The following PCDHA7 variants were observed in gnomAD, a reference collection of about 807,000 sequenced individuals.
The protein encoded by PCDHA7 is protocadherin alpha-7.
PCDHA7 carries 37 observed loss-of-function variants against 57.2 expected under a neutral mutation model. That is an observed-to-expected ratio of 0.65 (90% confidence interval 0.50 to 0.85). The LOEUF is 0.85. PCDHA7 is among the 40% of genes least tolerant of loss of function. The pLI, the probability that PCDHA7 is intolerant of heterozygous loss-of-function variation, is 0.00. For synonymous variants in PCDHA7, 553 were observed against 558.8 expected, an observed-to-expected ratio of 0.99 and a Z score of 0.15; for missense variants, 1,188 against 1,241.8, an observed-to-expected ratio of 0.96 and a Z score of 0.65.
chr5:140,893,048 T>C (rs1462017776), intron 1 of PCDHA7, among the ~76,000 whole-genome samples: 1 of 152,250 alleles, frequency 6.6e-6, no homozygotes, highest in Non-Finnish European at 1.5e-5. Flanking sequence ...CCCTCCAGGC[T>C]CAGCCATACT....
At chr5:140,991,782 C>A (rs1257930918) in intron 3 of PCDHA7, among the ~76,000 whole-genome samples, 1 of 152,158 alleles carries the variant, frequency 6.6e-6, no homozygotes, top group Non-Finnish European at 1.5e-5. Flanking sequence ...AGACTCTGCC[C>A]ATTTCCCAAT....
At position 140,892,846 on chromosome 5, in the gene PCDHA7, A is replaced by G. The variant is rs1301960107; in HGVS notation, c.2355+56108A>G. Among the ~76,000 whole-genome samples, 3 of 152,112 alleles carry G rather than the reference A, an allele frequency of 2.0e-5. No homozygotes were observed. In the East Asian group the frequency reaches 5.8e-4, roughly 29 times the overall value. On this transcript the variant is annotated intron_variant, in intron 1 of 3. Transcript: ENST00000525929. ...TGCTACAGTGCTGCAAAACACCACA[A>G]CCCATTCCTCCTGTGTAGCTATAAT...
chr5:140,936,270 T>C (rs1367001317), intron 1 of PCDHA7, among the ~76,000 whole-genome samples: 1 of 152,226 alleles, frequency 6.6e-6, no homozygotes, highest in African/African-American at 2.4e-5. Flanking sequence ...GAAGATATAT[T>C]CCTGTGTTTT....
chr5:140,928,513 A>AT (rs1563106002), intron 1 of PCDHA7: 1 of 1,614,182 alleles, frequency 6.2e-7, no homozygotes, highest in South Asian at 1.1e-5. Flanking sequence ...AACAGTGACT[A>AT]TAAACTTGTT....
At chr5:140,925,142 C>G (rs2082353538) in intron 1 of PCDHA7, among the ~76,000 whole-genome samples, 1 of 151,570 alleles carries the variant, frequency 6.6e-6, no homozygotes, top group African/African-American at 2.4e-5. Context: ...TTCAAACATA[C>G]ACAAAAGTTG....
chr5:140,926,755 T>G, intron 1 of PCDHA7: 4 of 1,282,566 alleles, frequency 3.1e-6, no homozygotes, highest in Non-Finnish European at 4.0e-6. Context: ...CGGCGGTCGC[T>G]GAGTATCCAG....
chr5:140,874,695 T>C (rs1278085784), intron 1 of PCDHA7, among the ~76,000 whole-genome samples: 1 of 152,228 alleles, frequency 6.6e-6, no homozygotes, highest in East Asian at 1.9e-4. Flanking sequence ...TAACATGTTA[T>C]GGAAATGAGA....
At chr5:140,978,424 TCA>T (rs2096801674) in intron 1 of PCDHA7, among the ~76,000 whole-genome samples, 1 of 152,238 alleles carries the variant, frequency 6.6e-6, no homozygotes, top group Non-Finnish European at 1.5e-5. Flanking sequence ...GAGACTGTTA[TCA>T]GTTGCTGGTG....
rs1215327894 is a variant in PCDHA7 at position 140,868,871 on chromosome 5, A to T, written c.2355+32133A>T. On this transcript the variant is annotated intron_variant, in intron 1 of 3. Transcript: ENST00000525929. ...TTCTGTGGTGGTAAATGCAGTGCAC[A>T]GTACTCACAGTTTTAGGCGCAAGGT... 4.8e-6 allele frequency: 3 copies of T among 625,152 alleles called. No homozygotes were observed. In the Admixed American group the frequency reaches 9.8e-5, roughly 20 times the overall value. 38.7% of individuals were successfully genotyped at this position (625,152 alleles called of 1,614,324 possible).
rs2098421681 is a variant in PCDHA7, at chr5:141,011,735, A to C, written c.*1798A>C. 1 of 153,882 alleles carries C rather than the reference A, an allele frequency of 6.5e-6. No individual in the cohort carries two copies. Among genetic ancestry groups the C allele is most frequent in the South Asian group, 2.1e-4 (1 of 4,828 alleles). 9.5% of individuals were successfully genotyped at this position (153,882 alleles called of 1,614,324 possible). A position where few individuals can be genotyped will look rare whatever the true frequency, so the allele number is the denominator to read the frequency against. ...TATTCCATGAGGGTGTGCAAGCACA[A>C]ATTTTACCAATCTGACCTCTTTGAA... On this transcript the variant is annotated 3_prime_UTR_variant, in exon 4 of 4. Transcript: ENST00000525929.
Position 140,884,599 on chromosome 5 carries a change from T to C in PCDHA7, c.2355+47861T>C, listed in dbSNP as rs1490825306. 3 of 1,614,042 alleles carry C rather than the reference T, an allele frequency of 1.9e-6. No homozygotes were observed. In the East Asian group the frequency reaches 6.7e-5, roughly 36 times the overall value. ...TCATGGCCTTCAGTCCCAGCCTTCC[T>C]CCTTGTCTGGGTTCTGCAGAGGGAA... On this transcript the variant is annotated intron_variant, in intron 1 of 3. Transcript: ENST00000525929.
intron 1 of PCDHA7, 89 bp downstream of exon 1, chr5:140,836,827 G>C: frequency 1.0e-6 from 1 of 968,068 alleles, no homozygotes; most frequent in African/African-American, 1.7e-5. Context: ...TTCTTTTTTA[G>C]TTGATAGCTT....
At chr5:140,968,355 G>A in intron 1 of PCDHA7, 1 of 1,614,080 alleles carries the variant, frequency 6.2e-7, no homozygotes, top group South Asian at 1.1e-5. Context: ...GCCAGTGGCA[G>A]CCTTTATGCT....
At position 140,967,833 on chromosome 5, in the gene PCDHA7, T is replaced by G. The variant is rs1554229998; in HGVS notation, c.2356-11116T>G. The G allele has an allele frequency of 1.2e-6, 2 of 1,614,014 alleles. No homozygotes were observed. The highest frequency in any genetic ancestry group is 4.5e-5 in the East Asian group (2 of 44,876). On this transcript the variant is annotated intron_variant, in intron 1 of 3. Transcript: ENST00000525929. The stretch of plus-strand genomic sequence containing the variant: ...CACTGCAAGGTGCTGGTGGACATCG[T>G]GGACGTGAATGACAATGCCCCAGAG...
chr5:140,885,096 A>G (rs2060465078), intron 1 of PCDHA7, among the ~76,000 whole-genome samples: 1 of 152,160 alleles, frequency 6.6e-6, no homozygotes, highest in Non-Finnish European at 1.5e-5. Flanking sequence ...AACTTTTCAC[A>G]TAAATGCTTT....
At chr5:140,918,115 A>G (rs185486488) in intron 1 of PCDHA7, among the ~76,000 whole-genome samples, 14 of 152,198 alleles carry the variant, frequency 9.2e-5, no homozygotes, top group African/African-American at 3.1e-4. Flanking sequence ...CACATCCTTG[A>G]TTAGCCATAT....
At chr5:140,879,234 G>A (rs1483424901) in intron 1 of PCDHA7, among the ~76,000 whole-genome samples, 1 of 152,180 alleles carries the variant, frequency 6.6e-6, no homozygotes, top group Non-Finnish European at 1.5e-5. Flanking sequence ...ACATATACAA[G>A]AGGCACTGGC....
chr5:140,927,412 G>A, intron 1 of PCDHA7: 1 of 1,614,122 alleles, frequency 6.2e-7, no homozygotes, highest in African/African-American at 1.3e-5. Context: ...CCTGGACATG[G>A]GATCGCGGGT....
chr5:140,862,831 G>A (rs782083560), intron 1 of PCDHA7: 2 of 572,766 alleles, frequency 3.5e-6, no homozygotes, highest in Admixed American at 1.9e-5. Context: ...AGCGCGCGAC[G>A]CGGGCATGCC....
Sources: gnomAD v4.1 joint callset for allele counts (sites outside exome capture counted in the v4.1 genomes callset) on GRCh38, gnomAD v4.1.1 for gene constraint, MANE v1.5 for transcripts, NCBI Gene and HGNC (gene_info 2026-07-23, HGNC 2026-07-21) for gene names.